RPL7A: variants seen among roughly 807,000 people sequenced by gnomAD.
RPL7A encodes large ribosomal subunit protein eL8.
For synonymous variants in RPL7A, 158 were observed against 128.2 expected, an observed-to-expected ratio of 1.23 and a Z score of -1.57; for missense variants, 291 against 338.2, an observed-to-expected ratio of 0.86 and a Z score of 1.09.
chr9:133,348,677 AG>A, intron 1 of RPL7A: 1 of 705,216 alleles, frequency 1.4e-6, no homozygotes, highest in Non-Finnish European at 2.6e-6. Flanking sequence ...GGCGACGCGA[AG>A]AGAGCGTGGT....
At chr9:133,348,408 G>A in intron 1 of RPL7A, 162 bp downstream of exon 1, 2 of 993,416 alleles carry the variant, frequency 2.0e-6, no homozygotes, top group Non-Finnish European at 3.1e-6. Flanking sequence ...AGCCCCACTT[G>A]GTGTGGCACG....
Position 133,349,943 on chromosome 9 carries a change from C to T in RPL7A, c.306C>T (p.Tyr102=), listed in dbSNP as rs11549051. The T allele has an allele frequency of 1.2e-6, 2 of 1,611,654 alleles. No individual in the cohort carries two copies. The highest frequency in any genetic ancestry group is 1.3e-5 in the African/African-American group (1 of 74,864). ...ATQLLKLAHK[Y]RPETKQEKKQ... is the part of the protein sequence containing the mutation. ...AGCTGCTTAAGCTGGCCCACAAGTACAGACCAGAGACAAAGCAAGAGAAGA... is the reference window on the plus strand; with the variant it reads ...AGCTGCTTAAGCTGGCCCACAAGTATAGACCAGAGACAAAGCAAGAGAAGA... The change falls in exon 4 of 8, where the codon TAC becomes TAT. Residue 102 remains tyrosine (Y), a synonymous_variant. Coordinates refer to ENST00000323345, the MANE Select transcript of RPL7A (RefSeq NM_000972.3).
In RPL7A at chr9:133,348,227, T is replaced by A. The variant is rs2129976919; in HGVS notation, c.-17T>A. The A allele has an allele frequency of 6.2e-7, 1 of 1,613,924 alleles. No individual in the cohort carries two copies. Among genetic ancestry groups the A allele is most frequent in the South Asian group, 1.1e-5 (1 of 91,080 alleles). ...CCCACAATTCCCTTTCCTTTCTCTC[T>A]CCTCCCGCCGCCCAAGATGGTGAGT... On this transcript the variant is annotated 5_prime_UTR_variant, in exon 1 of 8. Transcript: ENST00000323345.
intron 1 of RPL7A, 51 bp from the exon 2 acceptor site, chr9:133,348,871 C>A: frequency 6.2e-7 from 1 of 1,612,770 alleles, no homozygotes; most frequent in Non-Finnish European, 8.5e-7. Flanking sequence ...GCCCTACCCC[C>A]GACGAAGCGA....
rs140107941 is a variant in RPL7A at position 133,349,332 on chromosome 9, G to A, written c.125-219G>A. ...TAGGACTGCAATTCTGCTGTACTTCGTGGCACCTTGGCTTCTTGTTAGATG... is the reference window on the plus strand; with the variant it reads ...TAGGACTGCAATTCTGCTGTACTTCATGGCACCTTGGCTTCTTGTTAGATG... On this transcript the variant is annotated intron_variant, in intron 2 of 7. Transcript: ENST00000323345. 2.1e-4 allele frequency: 172 copies of A among 822,380 alleles called. 1 individual carries two copies. Among genetic ancestry groups the A allele is most frequent in the Middle Eastern group, 1.1e-3 (5 of 4,448 alleles). The allele number at this position is 822,380 out of a possible 1,614,324, so 50.9% of individuals were successfully genotyped here. A position where few individuals can be genotyped will look rare whatever the true frequency, so the allele number is the denominator to read the frequency against.
chr9:133,350,407 C>G (rs139231355), intron 5 of RPL7A, 88 bp downstream of exon 5: 1 of 1,529,536 alleles, frequency 6.5e-7, no homozygotes, highest in Non-Finnish European at 9.1e-7. Flanking sequence ...GTGATGGGAC[C>G]GAAGTGGGTG....
Position 133,350,740 on chromosome 9 carries a change from C to T in RPL7A, c.626+13C>T. 2.5e-6 allele frequency: 4 copies of T among 1,611,110 alleles called. No individual in the cohort carries two copies. Among genetic ancestry groups the T allele is most frequent in the East Asian group, 2.2e-5 (1 of 44,792 alleles). Reference sequence around the variant, plus strand: ...CACAGGTGAACTCGTAAGTACACAGCCTGGCCCCAAACTTCCCCCCAGTTC... The same window carrying T: ...CACAGGTGAACTCGTAAGTACACAGTCTGGCCCCAAACTTCCCCCCAGTTC... On this transcript the variant is annotated intron_variant, in intron 6 of 7. Transcript: ENST00000323345.
Position 133,350,698 on chromosome 9 carries a change from C to T in RPL7A, c.597C>T (p.Cys199=), listed in dbSNP as rs899341577. 7 of 1,614,184 alleles carry T rather than the reference C, an allele frequency of 4.3e-6. No individual in the cohort carries two copies. Among genetic ancestry groups the T allele is most frequent in the Admixed American group, 1.7e-5 (1 of 60,016 alleles). The change falls in exon 6 of 8, where the codon TGC becomes TGT. Residue 199 remains cysteine (C), a synonymous_variant. Transcript: ENST00000323345. The part of the protein sequence containing the change: ...RLGRLVHRKT[C]TTVAFTQVNS... ...GACGTCTAGTCCACAGGAAGACCTG[C>T]ACCACTGTCGCCTTCACACAGGTGA...
intron 6 of RPL7A, 84 bp downstream of exon 6, chr9:133,350,811 AT>A: frequency 6.3e-7 from 1 of 1,587,156 alleles, no homozygotes; most frequent in South Asian, 1.1e-5. Flanking sequence ...TTAAAGGCCA[AT>A]CTTTTAGTTT....
At chr9:133,349,288 C>T in intron 2 of RPL7A, 1 of 756,620 alleles carries the variant, frequency 1.3e-6, no homozygotes, top group Non-Finnish European at 2.3e-6. Context: ...AGTACAGTAG[C>T]AGTGTCGCAG....
rs2129989446 is a variant in RPL7A at position 133,349,894 on chromosome 9, T to C, written c.275-18T>C. 1 of 1,610,686 alleles carries C rather than the reference T, an allele frequency of 6.2e-7. No individual in the cohort carries two copies. Among genetic ancestry groups the C allele is most frequent in the Non-Finnish European group, 8.5e-7 (1 of 1,179,602 alleles). ...TAGAACCTTGACTCCAAGCCTAAAC[T>C]GAAGAGTGTTTTTCCAGCTACTCAG... On this transcript the variant is annotated intron_variant, in intron 3 of 7. Coordinates refer to ENST00000323345, the MANE Select transcript of RPL7A (RefSeq NM_000972.3).
chr9:133,351,152 TTCTA>T (rs1391030841), intron 7 of RPL7A, 81 bp downstream of exon 7: 24 of 1,553,252 alleles, frequency 1.5e-5, no homozygotes, highest in African/African-American at 4.1e-5. Flanking sequence ...CTATGAGAAG[TTCTA>T]TCTGACGATC....
At chr9:133,349,132 G>A (rs1836305516) in intron 2 of RPL7A, 90 bp downstream of exon 2, 2 of 1,489,850 alleles carry the variant, frequency 1.3e-6, no homozygotes, top group Admixed American at 1.9e-5. Flanking sequence ...AGGTTTTAGT[G>A]GGTGTAAAGT....
At chr9:133,349,755 C>T in intron 3 of RPL7A, 55 bp downstream of exon 3, 1 of 1,605,314 alleles carries the variant, frequency 6.2e-7, no homozygotes, top group Non-Finnish European at 8.5e-7. Context: ...CTTATTTCAT[C>T]CAGAACATGA....
At chr9:133,349,819 T>G (rs1437734743) in intron 3 of RPL7A, 93 bp from the exon 4 acceptor site, 2 of 1,578,540 alleles carry the variant, frequency 1.3e-6, no homozygotes, top group Admixed American at 3.5e-5. Flanking sequence ...TATAGTCATA[T>G]AGCAGGACCG....
chr9:133,348,600 C>T (rs945169879), intron 1 of RPL7A: 4 of 604,326 alleles, frequency 6.6e-6, no homozygotes, highest in African/African-American at 3.7e-5. Flanking sequence ...GAGCCCGCCC[C>T]TGTTGCTTCT....
Position 133,350,010 on chromosome 9 carries a change from A to G in RPL7A, c.373A>G (p.Lys125Glu). 6.2e-7 allele frequency: 1 copy of G among 1,613,266 alleles called. No individual in the cohort carries two copies. The highest frequency in any genetic ancestry group is 8.5e-7 in the Non-Finnish European group (1 of 1,180,038). ...LARAEKKAAG[K>E]GDVPTKRPPV... Reference sequence around the variant, plus strand: ...CCGGGCCGAGAAGAAGGCTGCTGGCAAAGGGGACGTCCCAACGAAGAGACC... The same window carrying G: ...CCGGGCCGAGAAGAAGGCTGCTGGCGAAGGGGACGTCCCAACGAAGAGACC... Residue 125 changes from lysine (K) to glutamate (E), a missense_variant, in exon 4 of 8, where the codon AAA becomes GAA. Lys to Glu is a moderately conservative substitution (Grantham distance 56). Coordinates refer to ENST00000323345, the MANE Select transcript of RPL7A (RefSeq NM_000972.3).
intron 1 of RPL7A, chr9:133,348,574 G>A (rs1836282051): frequency 6.7e-6 from 4 of 595,796 alleles, no homozygotes; most frequent in African/African-American, 5.6e-5. Context: ...CAGAGGCCTT[G>A]TGAGCGACGA....
At position 133,349,011 on chromosome 9, in the gene RPL7A, G is replaced by A. The variant is rs2129982770; in HGVS notation, c.93G>A (p.Leu31=). 1.2e-6 allele frequency: 2 copies of A among 1,614,042 alleles called. No homozygotes were observed. The highest frequency in any genetic ancestry group is 1.7e-5 in the Admixed American group (1 of 60,014). ...AGGCTAAGAAAGTGGTGAATCCCCTGTTTGAGAAAAGGCCTAAGAATTTTG... is the reference window on the plus strand; with the variant it reads ...AGGCTAAGAAAGTGGTGAATCCCCTATTTGAGAAAAGGCCTAAGAATTTTG... ...KQEAKKVVNP[L]FEKRPKNFGI... is the part of the protein sequence containing the mutation. The change falls in exon 2 of 8, where the codon CTG becomes CTA. Residue 31 remains leucine (L), a synonymous_variant. Transcript: ENST00000323345.
Sources: gnomAD v4.1 joint callset for allele counts on GRCh38, gnomAD v4.1.1 for gene constraint, MANE v1.5 for transcripts, NCBI Gene and HGNC (gene_info 2026-07-23, HGNC 2026-07-21) for gene names.